Variants in LYRM1 observed in about 807,000 individuals in gnomAD.
The protein encoded by LYRM1 is LYR motif-containing protein 1.
LYRM1 carries 14 observed loss-of-function variants against 14.9 expected under a neutral mutation model. The observed-to-expected ratio is 0.94, with a 90% CI of 0.62 to 1.47. The LOEUF (loss-of-function observed/expected upper bound fraction) is 1.47, where lower values mean the gene tolerates loss of function less well. Among genes scored for constraint, LYRM1 ranks in the 40% most tolerant of loss-of-function variants. The pLI, the probability that LYRM1 is intolerant of heterozygous loss-of-function variation, is 0.00. For missense variants in LYRM1, 153 were observed against 149.9 expected (o/e 1.02, Z -0.11); for synonymous variants, 43 against 56.2 (o/e 0.77, Z 1.05).
upstream of LYRM1, chr16:20,900,488 G>A (rs979503388): frequency 2.0e-5 from 3 of 152,382 alleles, no homozygotes; most frequent in African/African-American, 4.8e-5. Flanking sequence ...GGGAACGAGT[G>A]GAAGATTGCG....
In LYRM1 at chr16:20,920,212, C is replaced by T. The variant is rs748762247; in HGVS notation, c.250C>T (p.Pro84Ser). The change falls in exon 3 of 4, where the codon CCA (proline) becomes TCA (serine). Residue 84 changes from proline (P) to serine (S), a missense_variant and splice_region_variant. Transcript: ENST00000567954. ...GLHYKIPYPR[P>S]IHLPPMGLTP... is the part of the protein sequence containing the mutation. Reference sequence around the variant, plus strand: ...GCATTACAAGATTCCTTACCCAAGGCCAGTAAGTGTGACTCCGGTTAACAA... The same window carrying T: ...GCATTACAAGATTCCTTACCCAAGGTCAGTAAGTGTGACTCCGGTTAACAA... The T allele has an allele frequency of 6.2e-7, 1 of 1,610,160 alleles. No individual in the cohort carries two copies. Among genetic ancestry groups the T allele is most frequent in the South Asian group, 1.1e-5 (1 of 90,992 alleles).
At chr16:20,906,821 G>T (rs961068903) in intron 1 of LYRM1, among the ~76,000 whole-genome samples, 4 of 152,208 alleles carry the variant, frequency 2.6e-5, no homozygotes, top group African/African-American at 9.6e-5. Flanking sequence ...CATACCAGCA[G>T]ATCTTTCCAT....
chr16:20,922,232 C>T (rs1333990490), intron 3 of LYRM1, among the ~76,000 whole-genome samples: 3 of 151,922 alleles, frequency 2.0e-5, no homozygotes, highest in African/African-American at 2.4e-5. Flanking sequence ...TCAAGTGATC[C>T]GCCTGCCTTG....
chr16:20,922,121 A>T (rs898983588), intron 3 of LYRM1: 1 of 151,496 alleles, frequency 6.6e-6, no homozygotes, highest in Non-Finnish European at 1.5e-5. Context: ...AGTAGCTGGG[A>T]TTACAGATTA....
intron 1 of LYRM1, chr16:20,911,249 C>T (rs887022259): frequency 4.6e-5 from 7 of 152,118 alleles, no homozygotes; most frequent in Admixed American, 6.6e-5. Flanking sequence ...CCTCAAGAAA[C>T]GTCATCAGGG....
Position 20,915,645 on chromosome 16 carries a change from G to A in LYRM1, c.90G>A (p.Met30Ile). ...ARKWQATSGQMEDTIKEKQYI... is the reference protein window; with the variant it reads ...ARKWQATSGQIEDTIKEKQYI... ...AATGGCAGGCGACATCAGGGCAGAT[G>A]GAAGACACCATCAAAGAAAAACAGT... The change falls in exon 2 of 4, where the codon ATG becomes ATA. Residue 30 changes from methionine to isoleucine, a missense_variant. Met to Ile is a conservative substitution (Grantham distance 10). Coordinates refer to ENST00000567954, the MANE Select transcript of LYRM1 (RefSeq NM_001128302.3). 6.2e-7 allele frequency: 1 copy of A among 1,614,104 alleles called. No individual in the cohort carries two copies. Among genetic ancestry groups the A allele is most frequent in the South Asian group, 1.1e-5 (1 of 91,088 alleles).
chr16:20,923,503 AAAAAAAAAAAG>A (rs1271930381), intron 3 of LYRM1, among the ~76,000 whole-genome samples: 2 of 151,040 alleles, frequency 1.3e-5, no homozygotes, highest in African/African-American at 4.9e-5. Flanking sequence ...TGTCTCAAAA[AAAAAAAAAAAG>A]AAAGAAAGAA....
chr16:20,903,384 A>AC (rs1397159061), intron 1 of LYRM1, among the ~76,000 whole-genome samples: 1 of 151,972 alleles, frequency 6.6e-6, no homozygotes, highest in East Asian at 1.9e-4. Context: ...TACCTGGCTG[A>AC]CCCCTGTGGG....
intron 1 of LYRM1, among the ~76,000 whole-genome samples, chr16:20,915,228 T>C (rs2082812562): frequency 6.6e-6 from 1 of 152,126 alleles, no homozygotes; most frequent in African/African-American, 2.4e-5. Context: ...ATCCCAGCAC[T>C]TTGGGAGGCC....
chr16:20,914,195 A>G (rs1361471667), intron 1 of LYRM1, among the ~76,000 whole-genome samples: 1 of 152,070 alleles, frequency 6.6e-6, no homozygotes, highest in African/African-American at 2.4e-5. Flanking sequence ...GTTGTGACAG[A>G]CTAAAAGAGA....
chr16:20,903,091 C>T (rs996067011), intron 1 of LYRM1, among the ~76,000 whole-genome samples: 2 of 152,164 alleles, frequency 1.3e-5, no homozygotes, highest in Non-Finnish European at 2.9e-5. Flanking sequence ...AAGGGTTGGC[C>T]TAGATTTGAA....
intron 2 of LYRM1, among the ~76,000 whole-genome samples, chr16:20,917,875 T>A (rs1298517118): frequency 6.6e-6 from 1 of 151,984 alleles, no homozygotes; most frequent in Admixed American, 6.6e-5. Context: ...CCCAACCAGA[T>A]CATCAGTTCC....
chr16:20,912,710 T>A (rs529758123), intron 1 of LYRM1, among the ~76,000 whole-genome samples: 1 of 152,198 alleles, frequency 6.6e-6, no homozygotes, highest in South Asian at 2.1e-4. Context: ...ACAACATGGA[T>A]GAATCTTATG....
intron 3 of LYRM1, among the ~76,000 whole-genome samples, chr16:20,921,085 T>TTTTA (rs1415442454): frequency 6.6e-6 from 1 of 151,758 alleles, no homozygotes; most frequent in Non-Finnish European, 1.5e-5. Context: ...TTAAAAGAAG[T>TTTTA]TTTATTTATT....
At chr16:20,919,637 C>T (rs1327023699) in intron 2 of LYRM1, among the ~76,000 whole-genome samples, 1 of 152,094 alleles carries the variant, frequency 6.6e-6, no homozygotes, top group Non-Finnish European at 1.5e-5. Flanking sequence ...ATAATAAAGC[C>T]TTCTGTTGGA....
intron 2 of LYRM1, among the ~76,000 whole-genome samples, chr16:20,916,771 CTT>C (rs1269346235): frequency 6.6e-6 from 1 of 152,224 alleles, no homozygotes; most frequent in Non-Finnish European, 1.5e-5. Flanking sequence ...CTCTGCAACT[CTT>C]TGTTCTCATT....
intron 1 of LYRM1, among the ~76,000 whole-genome samples, chr16:20,906,203 T>C (rs906612459): frequency 3.9e-5 from 6 of 152,120 alleles, no homozygotes; most frequent in Admixed American, 1.3e-4. Flanking sequence ...GGAGTGCACA[T>C]AGCCGGGACA....
At chr16:20,920,275 A>G (rs759745148) in intron 3 of LYRM1, 61 bp downstream of exon 3, 1 of 1,236,282 alleles carries the variant, frequency 8.1e-7, no homozygotes, top group East Asian at 2.3e-5. Context: ...GGTTATTTCC[A>G]AGAATGTGTA....
intron 2 of LYRM1, among the ~76,000 whole-genome samples, chr16:20,918,437 T>C (rs2083020514): frequency 6.6e-6 from 1 of 152,194 alleles, no homozygotes. Flanking sequence ...GCATGTGTTA[T>C]AAAGGACAGA....
Sources: allele counts gnomAD v4.1 joint callset (sites outside exome capture counted in the v4.1 genomes callset), GRCh38; gene constraint gnomAD v4.1.1; transcripts MANE v1.5; gene names NCBI Gene and HGNC (gene_info 2026-07-23, HGNC 2026-07-21).